The following SGCD variants were observed in gnomAD, a reference collection of about 807,000 sequenced individuals.
The protein encoded by SGCD is delta-sarcoglycan.
A neutral mutation model predicts 36.6 loss-of-function variants in SGCD; 18 were observed. That is an observed-to-expected ratio of 0.49 (90% CI 0.34 to 0.73). The LOEUF (loss-of-function observed/expected upper bound fraction) is 0.73. SGCD is among the 30% of genes least tolerant of loss of function. SGCD has a pLI of 0.01. For missense variants in SGCD, 387 were observed against 346.7 expected (o/e 1.12, Z -0.92); for synonymous variants, 133 against 130.6 (o/e 1.02, Z -0.12).
At chr5:155,955,025 G>A (rs1458013315) in intron 1 of SGCD, among the ~76,000 whole-genome samples, 1 of 152,150 alleles carries the variant, frequency 6.6e-6, no homozygotes, top group African/African-American at 2.4e-5. Context: ...CAAGCTGCCA[G>A]GAAGGAGGCG....
At chr5:156,110,357 A>G (rs1180125698) in intron 1 of SGCD, among the ~76,000 whole-genome samples, 3 of 152,142 alleles carry the variant, frequency 2.0e-5, no homozygotes, top group African/African-American at 4.8e-5. Flanking sequence ...AGGCTTTATT[A>G]TATTTCTTCC....
chr5:156,043,054 G>A (rs1759677121), intron 1 of SGCD, among the ~76,000 whole-genome samples: 1 of 152,128 alleles, frequency 6.6e-6, no homozygotes, highest in South Asian at 2.1e-4. Flanking sequence ...AGGACAGTTT[G>A]GAGATTAAAG....
chr5:156,552,890 A>T (rs1758853633), intron 4 of SGCD, among the ~76,000 whole-genome samples: 1 of 152,084 alleles, frequency 6.6e-6, no homozygotes, highest in South Asian at 2.1e-4. Flanking sequence ...CTTCCACCTT[A>T]AAGAGTATGG....
chr5:155,948,876 G>C (rs754212595), intron 1 of SGCD, among the ~76,000 whole-genome samples: 48 of 152,138 alleles, frequency 3.2e-4, no homozygotes, highest in Admixed American at 1.0e-3. Flanking sequence ...AAAAGACATA[G>C]TCTATAAGAT....
At chr5:155,995,986 CAAA>C (rs753195795) in intron 1 of SGCD, among the ~76,000 whole-genome samples, 8 of 46,274 alleles carry the variant, frequency 1.7e-4, no homozygotes, top group African/African-American at 3.4e-4. Context: ...CAGACCACAC[CAAA>C]AAAAAAAAAA....
At chr5:156,091,020 CA>C (rs780686634) in intron 1 of SGCD, among the ~76,000 whole-genome samples, 4 of 152,160 alleles carry the variant, frequency 2.6e-5, no homozygotes, top group Non-Finnish European at 4.4e-5. Flanking sequence ...ATTGTTCAAA[CA>C]CACGTTTTGC....
In SGCD at chr5:156,577,530, T is replaced by C. The variant is rs560334614; in HGVS notation, c.295-11701T>C. ...GCAGTATGGCCATTTTCACAATATTTATCCTTCCTATCCATGAGCGTGGAA... is the reference window on the plus strand; with the variant it reads ...GCAGTATGGCCATTTTCACAATATTCATCCTTCCTATCCATGAGCGTGGAA... On this transcript the variant is annotated intron_variant, in intron 4 of 8. Coordinates refer to ENST00000337851, the MANE Select transcript of SGCD (RefSeq NM_000337.6). Among the ~76,000 whole-genome samples the C allele has an allele frequency of 2.6e-5, 4 of 152,270 alleles. No individual in the cohort carries two copies. In the East Asian group the frequency reaches 7.7e-4, roughly 29 times the overall value.
intron 3 of SGCD, among the ~76,000 whole-genome samples, chr5:156,502,469 G>A (rs560635214): frequency 3.3e-5 from 5 of 152,048 alleles, no homozygotes; most frequent in African/African-American, 1.2e-4. Context: ...TGAGTAGCTG[G>A]GACTACAGGT....
chr5:155,995,877 A>G (rs1161193324), intron 1 of SGCD, among the ~76,000 whole-genome samples: 2 of 151,718 alleles, frequency 1.3e-5, no homozygotes. Context: ...TTTTCTGGGG[A>G]TAATGGGAAA....
intron 3 of SGCD, 114 bp from the exon 4 acceptor site, chr5:156,508,487 C>T (rs1350286135): frequency 4.6e-6 from 3 of 652,060 alleles, no homozygotes; most frequent in African/African-American, 3.8e-5. Flanking sequence ...GTCCTCATTC[C>T]ACACCTTCAA....
intron 3 of SGCD, among the ~76,000 whole-genome samples, chr5:156,165,040 G>A (rs889909499): frequency 1.1e-4 from 16 of 152,166 alleles, no homozygotes; most frequent in Admixed American, 9.8e-4. Context: ...CTAAAATATA[G>A]TAGGTGCTCA....
At chr5:156,034,990 T>A (rs1417496640) in intron 1 of SGCD, among the ~76,000 whole-genome samples, 1 of 152,198 alleles carries the variant, frequency 6.6e-6, no homozygotes, top group African/African-American at 2.4e-5. Context: ...TCATACTTTT[T>A]GGCAATTTTT....
chr5:156,463,196 C>T lies in SGCD; in HGVS notation c.193-45405C>T, dbSNP rs139260048. ...TCTCACACTGTCGCCCAGGCCACCA[C>T]GTCTGGCTAATTTTTTGTATTTTTT... On this transcript the variant is annotated intron_variant, in intron 3 of 8. Coordinates refer to ENST00000337851, the MANE Select transcript of SGCD (RefSeq NM_000337.6). Among the ~76,000 whole-genome samples the T allele has an allele frequency of 2.9e-3, 446 of 152,152 alleles. 4 individuals carry two copies. Among genetic ancestry groups the T allele is most frequent in the African/African-American group, 0.01 (431 of 41,518 alleles).
intron 1 of SGCD, among the ~76,000 whole-genome samples, chr5:155,919,532 G>A (rs753638052): frequency 2.0e-5 from 3 of 151,782 alleles, no homozygotes; most frequent in Admixed American, 6.6e-5. Flanking sequence ...GCAAAAACTG[G>A]TATTATAAGC....
intron 1 of SGCD, among the ~76,000 whole-genome samples, chr5:156,042,753 A>C (rs1759668051): frequency 6.6e-6 from 1 of 152,166 alleles, no homozygotes; most frequent in African/African-American, 2.4e-5. Context: ...AAACCTGAAA[A>C]GACATCTCAG....
the SGCD span, among the ~76,000 whole-genome samples, chr5:155,786,936 A>G: frequency 0.014 from 2,066 of 152,296 alleles, 57 homozygotes; most frequent in African/African-American, 0.047. Flanking sequence ...GAGCTAGTTC[A>G]TTAGCTGCCT....
intron 3 of SGCD, among the ~76,000 whole-genome samples, chr5:156,491,499 C>A (rs1581069518): frequency 6.6e-6 from 1 of 152,174 alleles, no homozygotes; most frequent in East Asian, 1.9e-4. Flanking sequence ...ACACATAGAC[C>A]AGTGTAGTAG....
chr5:156,605,137 T>TG (rs1435240540), intron 6 of SGCD, among the ~76,000 whole-genome samples: 12 of 152,152 alleles, frequency 7.9e-5, no homozygotes, highest in Non-Finnish European at 1.6e-4. Context: ...GCCATGTTGG[T>TG]GTGCTGCACC....
At chr5:156,451,167 G>T (rs1252895609) in intron 3 of SGCD, among the ~76,000 whole-genome samples, 1 of 148,972 alleles carries the variant, frequency 6.7e-6, no homozygotes, top group Non-Finnish European at 1.5e-5. Context: ...TTGATTAGTA[G>T]ATCAGTTTAA....
Sources: gnomAD v4.1 joint callset for allele counts (sites outside exome capture counted in the v4.1 genomes callset) on GRCh38, gnomAD v4.1.1 for gene constraint, MANE v1.5 for transcripts, NCBI Gene and HGNC (gene_info 2026-07-23, HGNC 2026-07-21) for gene names.